The following GABRB3 variants were observed in gnomAD, a reference collection of about 807,000 sequenced individuals.
The protein encoded by GABRB3 is gamma-aminobutyric acid type A receptor subunit beta3, also known as gamma-aminobutyric acid receptor subunit beta-3.
In GABRB3, 14 loss-of-function variants were observed where a neutral mutation model predicts 52.1. That is an observed-to-expected ratio of 0.27 (90% CI 0.18 to 0.42). The LOEUF (loss-of-function observed/expected upper bound fraction) is 0.42, where lower values mean the gene tolerates loss of function less well. Ranked by LOEUF, GABRB3 falls within the 10% of genes least tolerant of loss-of-function variation. The pLI, the probability that GABRB3 is intolerant of heterozygous loss-of-function variation, is 1.00. For missense variants in GABRB3, 307 were observed against 609.1 expected, an observed-to-expected ratio of 0.50 and a Z score of 5.22; for synonymous variants, 260 against 232.3, an observed-to-expected ratio of 1.12 and a Z score of -1.08.
At chr15:26,682,420 C>G (rs143659717) in intron 3 of GABRB3, among the ~76,000 whole-genome samples, 1 of 152,328 alleles carries the variant, frequency 6.6e-6, no homozygotes, top group Non-Finnish European at 1.5e-5. Context: ...AAAATGAAAT[C>G]TGAGCAGGGC....
intron 3 of GABRB3, among the ~76,000 whole-genome samples, chr15:26,766,629 TA>T (rs921055803): frequency 6.6e-6 from 1 of 151,616 alleles, no homozygotes; most frequent in Non-Finnish European, 1.5e-5. Flanking sequence ...CAAGGAAATA[TA>T]AACAGAATAT....
chr15:26,677,666 C>A (rs958469244), intron 3 of GABRB3, among the ~76,000 whole-genome samples: 1 of 152,292 alleles, frequency 6.6e-6, no homozygotes, highest in East Asian at 1.9e-4. Context: ...ACCAAAATTA[C>A]AATACTACAT....
At chr15:26,682,317 T>A (rs981351024) in intron 3 of GABRB3, among the ~76,000 whole-genome samples, 1 of 152,162 alleles carries the variant, frequency 6.6e-6, no homozygotes, top group Non-Finnish European at 1.5e-5. Flanking sequence ...CTGGCCCTTT[T>A]TACTGTTATA....
chr15:26,654,718 G>A (rs916652613), intron 3 of GABRB3, among the ~76,000 whole-genome samples: 1 of 152,160 alleles, frequency 6.6e-6, no homozygotes, highest in East Asian at 1.9e-4. Flanking sequence ...CTGTGACCGT[G>A]CCACTGCACT....
chr15:26,543,876 C>T lies in GABRB3; in HGVS notation c.*3917G>A, dbSNP rs1288291313. On this transcript the variant is annotated 3_prime_UTR_variant, in exon 9 of 9. Coordinates refer to ENST00000311550, the MANE Select transcript of GABRB3 (RefSeq NM_000814.6). The stretch of plus-strand genomic sequence containing the variant: ...TAGGGAGAGGCATACGGGAGCCACT[C>T]TCTGGAAGGTCATTGTTTACCCAGG... The T allele has an allele frequency of 2.0e-5, 3 of 152,712 alleles. No homozygotes were observed. Among genetic ancestry groups the T allele is most frequent in the Non-Finnish European group, 4.4e-5 (3 of 68,030 alleles). The allele number at this position is 152,712 out of a possible 1,614,324, so 9.5% of individuals were successfully genotyped here.
At chr15:26,622,784 C>T (rs4542636) in intron 3 of GABRB3, among the ~76,000 whole-genome samples, 53,461 of 152,026 alleles carry the variant, frequency 0.35, 10,274 homozygotes, top group Middle Eastern at 0.47. Context: ...TAGAGGACAT[C>T]GATTTGTCTT....
intron 3 of GABRB3, among the ~76,000 whole-genome samples, chr15:26,638,343 C>T (rs1317651200): frequency 1.3e-5 from 2 of 152,222 alleles, no homozygotes; most frequent in Non-Finnish European, 2.9e-5. Flanking sequence ...TGCCTTTTTA[C>T]TTTACTGGCT....
chr15:26,547,546 T>C lies in GABRB3; in HGVS notation c.*247A>G. ...TCCATAGCTGCAAAATGTATATATG[T>C]ATGTGTATTTGTCTTCCATACACAT... On this transcript the variant is annotated 3_prime_UTR_variant, in exon 9 of 9. Coordinates refer to ENST00000311550, the MANE Select transcript of GABRB3 (RefSeq NM_000814.6). The C allele has an allele frequency of 3.4e-6, 2 of 585,624 alleles. No homozygotes were observed. Among genetic ancestry groups the C allele is most frequent in the Non-Finnish European group, 6.0e-6 (2 of 330,776 alleles). 36.3% of individuals were successfully genotyped at this position (585,624 alleles called of 1,614,324 possible). A position where few individuals can be genotyped will look rare whatever the true frequency, so the allele number is the denominator to read the frequency against.
At chr15:26,553,322 T>C (rs1045735931) in intron 8 of GABRB3, 4 of 152,182 alleles carry the variant, frequency 2.6e-5, no homozygotes, top group African/African-American at 9.7e-5. Flanking sequence ...GGCAAATTTT[T>C]TGTATTTTTA....
At chr15:26,567,140 C>G (rs946923588) in intron 7 of GABRB3, among the ~76,000 whole-genome samples, 1 of 152,132 alleles carries the variant, frequency 6.6e-6, no homozygotes, top group Non-Finnish European at 1.5e-5. Context: ...GGCAATCATT[C>G]AGAATTGAAT....
intron 3 of GABRB3, among the ~76,000 whole-genome samples, chr15:26,738,723 T>A (rs113623960): frequency 1.5e-3 from 222 of 152,198 alleles, no homozygotes; most frequent in African/African-American, 5.2e-3. Flanking sequence ...ACGTGTAACT[T>A]TGCTGCAATC....
intron 3 of GABRB3, among the ~76,000 whole-genome samples, chr15:26,640,060 T>C (rs1289718868): frequency 6.6e-6 from 1 of 152,216 alleles, no homozygotes; most frequent in African/African-American, 2.4e-5. Context: ...AGCAGGGCAC[T>C]CCCTCAGCTA....
chr15:26,693,620 C>T (rs2140667920), intron 3 of GABRB3, among the ~76,000 whole-genome samples: 1 of 152,100 alleles, frequency 6.6e-6, no homozygotes, highest in Non-Finnish European at 1.5e-5. Flanking sequence ...AAAAGCTGAA[C>T]AAACAAAACA....
chr15:26,570,707 G>A (rs1410565410), intron 6 of GABRB3, among the ~76,000 whole-genome samples: 1 of 152,022 alleles, frequency 6.6e-6, no homozygotes, highest in Non-Finnish European at 1.5e-5. Context: ...TTGAAGATGC[G>A]TCTTTCCTTA....
chr15:26,605,140 G>C (rs1292438358), intron 4 of GABRB3, among the ~76,000 whole-genome samples: 2 of 152,042 alleles, frequency 1.3e-5, no homozygotes, highest in African/African-American at 4.8e-5. Flanking sequence ...ACATTCAAAT[G>C]GCAAACAGGT....
intron 3 of GABRB3, chr15:26,642,415 A>G: frequency 8.4e-7 from 1 of 1,187,956 alleles, no homozygotes; most frequent in Admixed American, 2.3e-5. Context: ...GCAACTGTGT[A>G]TATATATGTA....
chr15:26,630,772 G>GT (rs779490847), intron 3 of GABRB3, among the ~76,000 whole-genome samples: 4 of 152,166 alleles, frequency 2.6e-5, no homozygotes, highest in African/African-American at 7.2e-5. Flanking sequence ...ATCTCTCTCA[G>GT]TATTGGTGTG....
rs577730082 is a variant in GABRB3 at position 26,565,342 on chromosome 15, G to C, written c.835+2239C>G. ...GGTGTCAGTCATACTCTGAGAGCTG[G>C]ATCTGTTGGGTTCTTGTCTGGCCAG... On this transcript the variant is annotated intron_variant, in intron 7 of 8. Transcript: ENST00000311550. Among the ~76,000 whole-genome samples the C allele has an allele frequency of 3.3e-5, 5 of 152,240 alleles. No individual in the cohort carries two copies. The South Asian group carries it at 1.0e-3, about 32-fold the overall frequency.
intron 3 of GABRB3, among the ~76,000 whole-genome samples, chr15:26,744,446 GAC>G (rs1463421169): frequency 6.6e-6 from 1 of 150,538 alleles, no homozygotes; most frequent in African/African-American, 2.4e-5. Flanking sequence ...TTTTTTTTGA[GAC>G]AGAGTCTTGC....
Sources: gnomAD v4.1 joint callset for allele counts (sites outside exome capture counted in the v4.1 genomes callset) on GRCh38, gnomAD v4.1.1 for gene constraint, MANE v1.5 for transcripts, NCBI Gene and HGNC (gene_info 2026-07-23, HGNC 2026-07-21) for gene names.